Variants in FSTL5 observed in about 807,000 individuals in gnomAD.
FSTL5 encodes follistatin-related protein 5.
A neutral mutation model predicts 89.1 loss-of-function variants in FSTL5; 62 were observed. That is an observed-to-expected ratio of 0.70 (90% CI 0.57 to 0.86). FSTL5 has a LOEUF of 0.86. Ranked by LOEUF, FSTL5 falls within the 40% of genes least tolerant of loss-of-function variation. The pLI, the probability that FSTL5 is intolerant of heterozygous loss-of-function variation, is 0.00. For missense variants in FSTL5, 1,057 were observed against 1,001.6 expected (o/e 1.06, Z -0.75); for synonymous variants, 383 against 346.2 (o/e 1.11, Z -1.18).
intron 6 of FSTL5, among the ~76,000 whole-genome samples, chr4:161,665,330 C>T (rs1736851760): frequency 6.6e-6 from 1 of 152,120 alleles, no homozygotes; most frequent in African/African-American, 2.4e-5. Flanking sequence ...CAAGCTCCGC[C>T]TCCCAGGTTC....
intron 4 of FSTL5, among the ~76,000 whole-genome samples, chr4:161,802,734 G>A (rs1316444031): frequency 6.6e-6 from 1 of 151,536 alleles, no homozygotes; most frequent in Non-Finnish European, 1.5e-5. Flanking sequence ...GAACAGAGGA[G>A]CTCCATTTAT....
At chr4:161,732,635 T>C in intron 6 of FSTL5, among the ~76,000 whole-genome samples, 1 of 152,042 alleles carries the variant, frequency 6.6e-6, no homozygotes, top group Non-Finnish European at 1.5e-5. Flanking sequence ...GTTCTTAAAT[T>C]TAGTTTTATA....
intron 15 of FSTL5, among the ~76,000 whole-genome samples, chr4:161,388,656 A>C (rs1184110749): frequency 6.6e-6 from 1 of 152,100 alleles, no homozygotes; most frequent in Non-Finnish European, 1.5e-5. Context: ...TATGTTGAAA[A>C]ATATCCTTCT....
chr4:161,940,573 TAAGCAGAAAACA>T (rs1318286411), intron 3 of FSTL5, among the ~76,000 whole-genome samples: 2 of 151,840 alleles, frequency 1.3e-5, no homozygotes, highest in Non-Finnish European at 2.9e-5. Context: ...AGCTGATTTT[TAAGCAGAAAACA>T]CAGAGGCCAG....
At chr4:161,835,831 T>C (rs1186882958) in intron 4 of FSTL5, among the ~76,000 whole-genome samples, 3 of 151,244 alleles carry the variant, frequency 2.0e-5, no homozygotes, top group East Asian at 3.9e-4. Context: ...TGTGGAGAAA[T>C]AGGAACACTT....
chr4:161,652,535 A>T (rs1054761310), intron 7 of FSTL5, among the ~76,000 whole-genome samples: 3 of 152,184 alleles, frequency 2.0e-5, no homozygotes, highest in African/African-American at 7.2e-5. Flanking sequence ...TGAGGTAATG[A>T]GATCATGAGG....
chr4:161,760,424 G>C (rs1037804612), intron 5 of FSTL5, among the ~76,000 whole-genome samples: 1 of 152,140 alleles, frequency 6.6e-6, no homozygotes, highest in Non-Finnish European at 1.5e-5. Context: ...TGTTTTAAAA[G>C]TGGTGCGGTA....
At chr4:161,631,304 C>T (rs892064375) in intron 7 of FSTL5, among the ~76,000 whole-genome samples, 12 of 152,098 alleles carry the variant, frequency 7.9e-5, no homozygotes, top group African/African-American at 2.9e-4. Context: ...GCTTAGTCCC[C>T]AGTTCATAAT....
chr4:162,066,355 C>CTTCTTCTTCTTCTTCTTATT, intron 2 of FSTL5, among the ~76,000 whole-genome samples: 1 of 61,166 alleles, frequency 1.6e-5, no homozygotes, highest in Non-Finnish European at 3.4e-5. Context: ...TTCTTCTTCT[C>CTTCTTCTTCTTCTTCTTATT]CTTCTTCTTC....
intron 4 of FSTL5, among the ~76,000 whole-genome samples, chr4:161,880,381 G>A (rs1346533652): frequency 6.6e-6 from 1 of 151,920 alleles, no homozygotes; most frequent in Non-Finnish European, 1.5e-5. Context: ...AGAACTTGGA[G>A]TTCTGTCTAC....
intron 8 of FSTL5, among the ~76,000 whole-genome samples, chr4:161,556,283 C>G (rs760269363): frequency 8.6e-5 from 13 of 151,478 alleles, no homozygotes; most frequent in Non-Finnish European, 1.5e-4. Flanking sequence ...ATTTGTCTTT[C>G]AATATTATAT....
intron 1 of FSTL5, among the ~76,000 whole-genome samples, chr4:162,154,963 G>A (rs1321858632): frequency 6.6e-6 from 1 of 152,046 alleles, no homozygotes; most frequent in East Asian, 1.9e-4. Flanking sequence ...AGAAAGAAAA[G>A]CCCAGTGGCA....
chr4:161,598,257 C>T (rs370651081), intron 7 of FSTL5, among the ~76,000 whole-genome samples: 41 of 152,082 alleles, frequency 2.7e-4, no homozygotes, highest in Middle Eastern at 3.4e-3. Flanking sequence ...CACCTGTAAT[C>T]GCAGCTACTT....
chr4:161,977,612 C>CAATAAA (rs1735688037), intron 3 of FSTL5, among the ~76,000 whole-genome samples: 1 of 95,140 alleles, frequency 1.1e-5, no homozygotes, highest in Non-Finnish European at 2.1e-5. Context: ...GACTCCGTGT[C>CAATAAA]AAAAAAAAAA....
intron 3 of FSTL5, among the ~76,000 whole-genome samples, chr4:161,963,329 T>A (rs1735233266): frequency 6.6e-6 from 1 of 151,960 alleles, no homozygotes; most frequent in African/African-American, 2.4e-5. Context: ...AGATGAGTAT[T>A]TTTAAGAAGT....
intron 3 of FSTL5, among the ~76,000 whole-genome samples, chr4:161,959,361 T>A (rs755573291): frequency 6.6e-6 from 1 of 152,120 alleles, no homozygotes; most frequent in South Asian, 2.1e-4. Flanking sequence ...GGATGTTATT[T>A]TTTATTTTAT....
At chr4:161,668,863 G>A (rs543369643) in intron 6 of FSTL5, among the ~76,000 whole-genome samples, 2 of 152,026 alleles carry the variant, frequency 1.3e-5, no homozygotes, top group Non-Finnish European at 2.9e-5. Context: ...TGTAATCCCA[G>A]CACTTTGGGA....
At chr4:162,095,878 G>A (rs1730730916) in intron 2 of FSTL5, among the ~76,000 whole-genome samples, 2 of 150,042 alleles carry the variant, frequency 1.3e-5, no homozygotes, top group African/African-American at 2.5e-5. Context: ...TAAGTACGAT[G>A]ATCAAGCATT....
At chr4:161,965,397 T>G (rs781166682) in intron 3 of FSTL5, among the ~76,000 whole-genome samples, 7 of 152,048 alleles carry the variant, frequency 4.6e-5, no homozygotes, top group Non-Finnish European at 7.4e-5. Flanking sequence ...GAAAAGTAAG[T>G]GAAATTTTTG....
Sources: allele counts gnomAD v4.1 joint callset (sites outside exome capture counted in the v4.1 genomes callset), GRCh38; gene constraint gnomAD v4.1.1; transcripts MANE v1.5; gene names NCBI Gene and HGNC (gene_info 2026-07-23, HGNC 2026-07-21).